Variants in NQO1 observed in about 807,000 individuals in gnomAD.
NQO1 encodes the protein NAD(P)H quinone dehydrogenase 1, also known as NAD(P)H dehydrogenase [quinone] 1.
In NQO1, 30 loss-of-function variants were observed where a neutral mutation model predicts 32.1. The ratio of observed to expected loss-of-function variants is 0.94; its 90% CI spans 0.70 to 1.27. The LOEUF is 1.27. Among genes scored for constraint, NQO1 ranks in the 50% most tolerant of loss-of-function variants. The pLI, the probability that NQO1 is intolerant of heterozygous loss-of-function variation, is 0.00. For missense variants in NQO1, 276 were observed against 331.3 expected, an observed-to-expected ratio of 0.83 and a Z score of 1.30; for synonymous variants, 109 against 119.7, an observed-to-expected ratio of 0.91 and a Z score of 0.59.
intron 4 of NQO1, among the ~76,000 whole-genome samples, chr16:69,714,046 T>A (rs1198171472): frequency 6.6e-6 from 1 of 151,888 alleles, no homozygotes; most frequent in Non-Finnish European, 1.5e-5. Flanking sequence ...CGGCTAAGTT[T>A]TTTTGTATTT....
chr16:69,714,330 C>T (rs2038083415), intron 4 of NQO1, among the ~76,000 whole-genome samples: 1 of 149,326 alleles, frequency 6.7e-6, no homozygotes, highest in Admixed American at 6.7e-5. Flanking sequence ...GCCACCACAC[C>T]CAGCTAATTT....
intron 1 of NQO1, among the ~76,000 whole-genome samples, chr16:69,722,051 G>A (rs1395094607): frequency 6.6e-6 from 1 of 151,542 alleles, no homozygotes; most frequent in African/African-American, 2.4e-5. Context: ...AATTGCCAGA[G>A]AAAGGACGCT....
intron 3 of NQO1, among the ~76,000 whole-genome samples, chr16:69,716,198 C>A (rs536933341): frequency 3.4e-4 from 50 of 148,414 alleles, no homozygotes; most frequent in Admixed American, 1.2e-3. Context: ...TAATAATCAT[C>A]ATCATCATCA....
At chr16:69,725,652 A>T (rs1360996596) in intron 1 of NQO1, among the ~76,000 whole-genome samples, 1 of 152,158 alleles carries the variant, frequency 6.6e-6, no homozygotes, top group East Asian at 1.9e-4. Context: ...AGGTGGGTGG[A>T]TCACCTGAGG....
intron 1 of NQO1, among the ~76,000 whole-genome samples, chr16:69,721,480 C>T (rs572028869): frequency 3.3e-4 from 51 of 152,300 alleles, no homozygotes; most frequent in African/African-American, 1.1e-3. Flanking sequence ...CCTTGATCTT[C>T]GACTTCCCAG....
chr16:69,718,266 A>G lies in NQO1; in HGVS notation c.173-13T>C. On this transcript the variant is annotated splice_polypyrimidine_tract_variant and intron_variant, in intron 2 of 5. Transcript: ENST00000320623. ...TCCTTCAGTTTACCTGCAGAGAAGA[A>G]AAAGAGAGGCTGGGGCCAGAGGGGC... The G allele has an allele frequency of 2.5e-6, 4 of 1,613,882 alleles. No homozygotes were observed. Among genetic ancestry groups the G allele is most frequent in the Non-Finnish European group, 3.4e-6 (4 of 1,179,948 alleles).
chr16:69,721,914 G>T (rs1230861994), intron 1 of NQO1, among the ~76,000 whole-genome samples: 1 of 151,574 alleles, frequency 6.6e-6, no homozygotes, highest in Non-Finnish European at 1.5e-5. Flanking sequence ...GAGGTGGGAA[G>T]ATCATTTGAG....
At chr16:69,718,680 AT>A in intron 1 of NQO1, 146 bp from the exon 2 acceptor site, 2 of 724,658 alleles carry the variant, frequency 2.8e-6, no homozygotes. Flanking sequence ...CCAGAAATGT[AT>A]TTTCCCCTTA....
rs1298596170 is a variant in NQO1 at position 69,709,680 on chromosome 16, G to A, written c.*1296C>T. 1 of 397,166 alleles carries A rather than the reference G, an allele frequency of 2.5e-6. No homozygotes were observed. Among genetic ancestry groups the A allele is most frequent in the Non-Finnish European group, 4.4e-6 (1 of 225,480 alleles). 24.6% of individuals were successfully genotyped at this position (397,166 alleles called of 1,614,324 possible). A position where few individuals can be genotyped will look rare whatever the true frequency, so the allele number is the denominator to read the frequency against. On this transcript the variant is annotated 3_prime_UTR_variant, in exon 6 of 6. Transcript: ENST00000320623. ...ATCATTTCTCATCTCTTCTTTCAAT[G>A]CACCACAAGAGGGCAGTGTTTTATC...
At chr16:69,712,920 C>T (rs531867138) in intron 5 of NQO1, 108 bp downstream of exon 5, 65 of 851,156 alleles carry the variant, frequency 7.6e-5, no homozygotes, top group Admixed American at 1.1e-4. Context: ...TCGAACCCAG[C>T]GGGCGGAGCT....
chr16:69,725,273 T>G (rs1356187728), intron 1 of NQO1, among the ~76,000 whole-genome samples: 1 of 152,202 alleles, frequency 6.6e-6, no homozygotes, highest in Non-Finnish European at 1.5e-5. Flanking sequence ...ACAGGCGCAT[T>G]TTTAGAGGCA....
At chr16:69,721,395 T>C (rs898548231) in intron 1 of NQO1, among the ~76,000 whole-genome samples, 2 of 152,138 alleles carry the variant, frequency 1.3e-5, no homozygotes, top group Non-Finnish European at 2.9e-5. Flanking sequence ...TTCCACCTTC[T>C]ACCTCCCACC....
intron 1 of NQO1, among the ~76,000 whole-genome samples, chr16:69,724,579 G>A (rs1266379409): frequency 6.6e-6 from 1 of 151,498 alleles, no homozygotes; most frequent in Non-Finnish European, 1.5e-5. Context: ...GCACACACCT[G>A]TAGTCCCAGC....
Position 69,710,020 on chromosome 16 carries a change from C to T in NQO1, c.*956G>A. 2.7e-6 allele frequency: 1 copy of T among 370,362 alleles called. No individual in the cohort carries two copies. The highest frequency in any genetic ancestry group is 4.8e-6 in the Non-Finnish European group (1 of 208,846). The allele number at this position is 370,362 out of a possible 1,614,324, so 22.9% of individuals were successfully genotyped here. On this transcript the variant is annotated 3_prime_UTR_variant, in exon 6 of 6. Coordinates refer to ENST00000320623, the MANE Select transcript of NQO1 (RefSeq NM_000903.3). ...GTACGGTGTGGATTTATTGGTTTAT[C>T]TCTGCAAACCTTAAAGTAGAAGATT...
Position 69,713,048 on chromosome 16 carries a change from C to T in NQO1, c.499G>A (p.Val167Ile). The change falls in exon 5 of 6, where the codon GTC (valine) becomes ATC (isoleucine). Residue 167 changes from valine to isoleucine, a missense_variant. Physicochemically the swap from Val to Ile is conservative, Grantham distance 29. Coordinates refer to ENST00000320623, the MANE Select transcript of NQO1 (RefSeq NM_000903.3). ...GGTACCTGAATTGGCCAGAGAATGA[C>T]ATTCATGTCCCCGTGGATCCCTTGC... ...SLQGIHGDMN[V>I]ILWPIQSGIL... The T allele has an allele frequency of 6.2e-7, 1 of 1,613,832 alleles. No homozygotes were observed. The highest frequency in any genetic ancestry group is 8.5e-7 in the Non-Finnish European group (1 of 1,179,816).
At chr16:69,716,452 A>T (rs45502304) in intron 3 of NQO1, among the ~76,000 whole-genome samples, 6,409 of 151,868 alleles carry the variant, frequency 0.042, 403 homozygotes, top group African/African-American at 0.14. Flanking sequence ...AGATTGCACC[A>T]TTGCACTCCA....
intron 5 of NQO1, 117 bp downstream of exon 5, chr16:69,712,911 C>G: frequency 1.2e-6 from 1 of 806,480 alleles, no homozygotes; most frequent in Non-Finnish European, 2.0e-6. Flanking sequence ...GAGAATTGCT[C>G]GAACCCAGCG....
intron 1 of NQO1, among the ~76,000 whole-genome samples, chr16:69,720,611 A>C (rs1437348869): frequency 6.7e-6 from 1 of 148,410 alleles, no homozygotes; most frequent in Non-Finnish European, 1.5e-5. Context: ...GCTCACTGCA[A>C]CCTCCGCCTC....
rs2038147932 is a variant in NQO1 at position 69,718,539 on chromosome 16, A to G, written c.8-5T>C. The stretch of plus-strand genomic sequence containing the variant: ...GTACGATCAGTGCTCTTCTGCCTAC[A>G]GAGACACACACAAAGCACACACGGA... On this transcript the variant is annotated splice_polypyrimidine_tract_variant and splice_region_variant and intron_variant, in intron 1 of 5. Coordinates refer to ENST00000320623, the MANE Select transcript of NQO1 (RefSeq NM_000903.3). 6.2e-7 allele frequency: 1 copy of G among 1,613,114 alleles called. No individual in the cohort carries two copies. The highest frequency in any genetic ancestry group is 1.1e-5 in the South Asian group (1 of 91,010).
Sources: allele counts gnomAD v4.1 joint callset (sites outside exome capture counted in the v4.1 genomes callset), GRCh38; gene constraint gnomAD v4.1.1; transcripts MANE v1.5; gene names NCBI Gene and HGNC (gene_info 2026-07-23, HGNC 2026-07-21).